ARPP21: variants seen among roughly 807,000 people sequenced by gnomAD.
The protein encoded by ARPP21 is cAMP regulated phosphoprotein 21, also known as cAMP-regulated phosphoprotein 21.
A neutral mutation model predicts 113.2 loss-of-function variants in ARPP21; 69 were observed. The observed-to-expected ratio is 0.61, with a 90% confidence interval of 0.50 to 0.74. The LOEUF (loss-of-function observed/expected upper bound fraction) is 0.74. ARPP21 is among the 30% of genes least tolerant of loss of function. The pLI is 0.00. For missense variants in ARPP21, 1,070 were observed against 1,037.4 expected (o/e 1.03, Z -0.43); for synonymous variants, 368 against 375.5 (o/e 0.98, Z 0.23).
At chr3:35,691,464 A>T (rs2082219904) in intron 9 of ARPP21, among the ~76,000 whole-genome samples, 1 of 151,598 alleles carries the variant, frequency 6.6e-6, no homozygotes, top group Non-Finnish European at 1.5e-5. Flanking sequence ...AGAGGCAGAA[A>T]TCCTGCCTCT....
At chr3:35,657,508 G>A (rs763811146) in intron 1 of ARPP21, among the ~76,000 whole-genome samples, 1 of 152,124 alleles carries the variant, frequency 6.6e-6, no homozygotes, top group Admixed American at 6.6e-5. Flanking sequence ...TGGCAACTCT[G>A]TGTGAAGTAC....
At chr3:35,708,876 T>A in intron 10 of ARPP21, 93 bp from the exon 11 acceptor site, 1 of 817,460 alleles carries the variant, frequency 1.2e-6, no homozygotes, top group East Asian at 2.6e-5. Flanking sequence ...TTTGTTTAAG[T>A]GAACATTTAT....
intron 18 of ARPP21, among the ~76,000 whole-genome samples, chr3:35,740,584 C>A (rs948358722): frequency 2.6e-5 from 4 of 152,048 alleles, no homozygotes; most frequent in Admixed American, 1.3e-4. Context: ...GAAGTGGGAT[C>A]TTAAAAGATG....
intron 19 of ARPP21, among the ~76,000 whole-genome samples, chr3:35,786,207 G>A (rs1047383444): frequency 7.9e-5 from 12 of 152,010 alleles, no homozygotes; most frequent in African/African-American, 2.4e-4. Context: ...CTCCAGTCTA[G>A]TCTATACTGC....
At chr3:35,677,043 T>A (rs967012037) in intron 1 of ARPP21, among the ~76,000 whole-genome samples, 1 of 151,900 alleles carries the variant, frequency 6.6e-6, no homozygotes, top group Non-Finnish European at 1.5e-5. Context: ...AAATCTTGAC[T>A]GTGTTGTTTC....
intron 1 of ARPP21, among the ~76,000 whole-genome samples, chr3:35,655,969 A>T (rs1214006793): frequency 6.6e-6 from 1 of 152,102 alleles, no homozygotes; most frequent in Non-Finnish European, 1.5e-5. Context: ...GATCTAAAAC[A>T]TAAAACTTTT....
chr3:35,783,798 C>T (rs184410789), intron 19 of ARPP21, among the ~76,000 whole-genome samples: 5 of 152,298 alleles, frequency 3.3e-5, no homozygotes, highest in African/African-American at 1.2e-4. Context: ...CTTCCTCTGC[C>T]TGTTTCTAAC....
intron 6 of ARPP21, 135 bp from the exon 7 acceptor site, chr3:35,689,172 A>C: frequency 1.5e-6 from 1 of 656,018 alleles, no homozygotes; most frequent in Non-Finnish European, 2.8e-6. Context: ...GCTAGTTTTG[A>C]AACATGTATT....
At chr3:35,685,019 G>A (rs2080128714) in intron 5 of ARPP21, 1 of 984,722 alleles carries the variant, frequency 1.0e-6, no homozygotes, top group South Asian at 4.7e-5. Context: ...ATTATTAAAT[G>A]TTGATTGATG....
intron 5 of ARPP21, chr3:35,685,243 G>A (rs1360541845): frequency 1.0e-6 from 1 of 985,182 alleles, no homozygotes; most frequent in African/African-American, 1.7e-5. Flanking sequence ...CCTAAGTCTA[G>A]TGTATCCATA....
At chr3:35,665,715 G>A (rs896639741) in intron 1 of ARPP21, among the ~76,000 whole-genome samples, 4 of 152,152 alleles carry the variant, frequency 2.6e-5, no homozygotes, top group African/African-American at 7.2e-5. Flanking sequence ...AAGCACAGCT[G>A]CAGATGAAGA....
chr3:35,709,146 G>A (rs920396592), intron 11 of ARPP21, 76 bp downstream of exon 11: 4 of 983,818 alleles, frequency 4.1e-6, no homozygotes, highest in Non-Finnish European at 6.3e-6. Context: ...CCCAGACAGC[G>A]AGGTGGCAGG....
intron 13 of ARPP21, among the ~76,000 whole-genome samples, chr3:35,719,621 C>T (rs1453889296): frequency 2.6e-5 from 4 of 152,098 alleles, no homozygotes; most frequent in Admixed American, 1.3e-4. Context: ...AGTCTGGATT[C>T]CTGCCATGGA....
At chr3:35,748,114 A>AAAGGAAGAAAG (rs2095231068) in intron 19 of ARPP21, among the ~76,000 whole-genome samples, 1 of 90,724 alleles carries the variant, frequency 1.1e-5, no homozygotes, top group Non-Finnish European at 2.1e-5. Flanking sequence ...AAGAAAGAAG[A>AAAGGAAGAAAG]AAGAAAGAAA....
rs1050071757 is a variant in ARPP21, at chr3:35,729,164, C to T, written c.1226-139C>T. 4 of 598,462 alleles carry T rather than the reference C, an allele frequency of 6.7e-6. No individual in the cohort carries two copies. In the African/African-American group the frequency reaches 7.4e-5, roughly 11 times the overall value. The allele number at this position is 598,462 out of a possible 1,614,324, so 37.1% of individuals were successfully genotyped here. A position where few individuals can be genotyped will look rare whatever the true frequency, so the allele number is the denominator to read the frequency against. ...ATATGAGGCCAAAATATGAGAGGGG[C>T]ATTAGTTAATCTCATCCTACAGCAT... On this transcript the variant is annotated intron_variant, in intron 14 of 20. Coordinates refer to ENST00000684406, the MANE Select transcript of ARPP21 (RefSeq NM_001385562.1).
At chr3:35,744,255 G>C (rs1047566384) in intron 19 of ARPP21, among the ~76,000 whole-genome samples, 2 of 152,310 alleles carry the variant, frequency 1.3e-5, no homozygotes, top group East Asian at 3.9e-4. Flanking sequence ...TACCTTTCTA[G>C]TTCATACCTT....
intron 9 of ARPP21, 70 bp downstream of exon 9, chr3:35,691,075 A>G (rs2082103462): frequency 6.6e-7 from 1 of 1,504,392 alleles, no homozygotes; most frequent in African/African-American, 1.4e-5. Context: ...AGATCACAGT[A>G]TAAAATTCAC....
chr3:35,713,959 AC>A (rs1486163098), intron 11 of ARPP21, among the ~76,000 whole-genome samples: 1 of 152,176 alleles, frequency 6.6e-6, no homozygotes, highest in Non-Finnish European at 1.5e-5. Flanking sequence ...TCTTTTACAT[AC>A]CTTACTTGAC....
At chr3:35,763,124 T>TGTA (rs1239206899) in intron 19 of ARPP21, among the ~76,000 whole-genome samples, 3 of 152,152 alleles carry the variant, frequency 2.0e-5, no homozygotes, top group African/African-American at 7.2e-5. Flanking sequence ...AATAGCTCTG[T>TGTA]GTGTCTTTTT....
Sources: gnomAD v4.1 joint callset for allele counts (sites outside exome capture counted in the v4.1 genomes callset) on GRCh38, gnomAD v4.1.1 for gene constraint, MANE v1.5 for transcripts, NCBI Gene and HGNC (gene_info 2026-07-23, HGNC 2026-07-21) for gene names.